Variants in ROBO1 observed in about 807,000 individuals in gnomAD.
ROBO1 encodes the protein roundabout homolog 1.
ROBO1 carries 149 observed loss-of-function variants against 195.9 expected under a neutral mutation model. That is an observed-to-expected ratio of 0.76 (90% CI 0.67 to 0.87). The LOEUF (loss-of-function observed/expected upper bound fraction) is 0.87, where lower values mean the gene tolerates loss of function less well. Ranked by LOEUF, ROBO1 falls within the 40% of genes least tolerant of loss-of-function variation. ROBO1 has a pLI of 0.00. For synonymous variants in ROBO1, 816 were observed against 733.2 expected (o/e 1.11, Z -1.82); for missense variants, 1,933 against 2,068.3 (o/e 0.93, Z 1.27).
At chr3:78,973,471 TA>T (rs1405106318) in intron 3 of ROBO1, among the ~76,000 whole-genome samples, 1 of 145,970 alleles carries the variant, frequency 6.9e-6, no homozygotes, top group Non-Finnish European at 1.5e-5. Flanking sequence ...TATAAGAAGC[TA>T]TATATATATT....
At chr3:78,781,701 A>G (rs1330971475) in intron 4 of ROBO1, among the ~76,000 whole-genome samples, 1 of 141,180 alleles carries the variant, frequency 7.1e-6, no homozygotes, top group East Asian at 2.1e-4. Flanking sequence ...GATTCATACT[A>G]TCTAGAGTGA....
intron 3 of ROBO1, among the ~76,000 whole-genome samples, chr3:79,067,509 A>T (rs1306603683): frequency 6.6e-6 from 1 of 151,988 alleles, no homozygotes; most frequent in East Asian, 1.9e-4. Context: ...ATTACAAACG[A>T]TGTGACTTAG....
chr3:78,821,782 A>T (rs2030997935), intron 4 of ROBO1, among the ~76,000 whole-genome samples: 1 of 152,114 alleles, frequency 6.6e-6, no homozygotes, highest in Admixed American at 6.5e-5. Context: ...ATTCCTTTCA[A>T]CAAACTTTTA....
At chr3:79,425,496 T>C (rs150240880) in intron 2 of ROBO1, among the ~76,000 whole-genome samples, 206 of 152,240 alleles carry the variant, frequency 1.4e-3, no homozygotes, top group Middle Eastern at 0.01. Flanking sequence ...CACAACAGTA[T>C]AAGCCAGAAA....
At chr3:79,059,168 T>C (rs769976131) in intron 3 of ROBO1, among the ~76,000 whole-genome samples, 4 of 152,220 alleles carry the variant, frequency 2.6e-5, no homozygotes, top group Non-Finnish European at 5.9e-5. Flanking sequence ...ATGAGACTGA[T>C]CATTCATGGG....
At chr3:79,370,448 T>A (rs1209511732) in intron 2 of ROBO1, among the ~76,000 whole-genome samples, 1 of 152,030 alleles carries the variant, frequency 6.6e-6, no homozygotes, top group Admixed American at 6.6e-5. Context: ...ACCCTATGCA[T>A]GGGTAAGACA....
rs183196243 is a variant in ROBO1, at chr3:79,647,243, A to C, written c.-50-57282T>G. 3.3e-5 allele frequency among the ~76,000 whole-genome samples: 5 copies of C among 152,256 alleles called. No homozygotes were observed. The East Asian group carries it at 9.7e-4, about 29-fold the overall frequency. ...AAATTTTAAAAATTAAAGCAATAAT[A>C]CAGAACTTCAGTTTTGGCAATATGG... On this transcript the variant is annotated intron_variant, in intron 1 of 30. Transcript: ENST00000464233.
intron 10 of ROBO1, among the ~76,000 whole-genome samples, chr3:78,672,172 A>G (rs1327040345): frequency 6.6e-6 from 1 of 152,314 alleles, no homozygotes; most frequent in East Asian, 1.9e-4. Context: ...GGAACAGATA[A>G]GGGAGTGCTT....
intron 2 of ROBO1, among the ~76,000 whole-genome samples, chr3:79,262,235 C>A (rs2082952328): frequency 6.6e-6 from 1 of 152,080 alleles, no homozygotes; most frequent in Admixed American, 6.6e-5. Flanking sequence ...CTTAAACACT[C>A]ACTCAAGTCA....
At chr3:79,147,097 T>C (rs964640647) in intron 2 of ROBO1, among the ~76,000 whole-genome samples, 1 of 151,994 alleles carries the variant, frequency 6.6e-6, no homozygotes, top group African/African-American at 2.4e-5. Flanking sequence ...TGAATTTTCT[T>C]TTCAAATAGG....
rs552559737 is a variant in ROBO1 at position 78,888,932 on chromosome 3, T to A, written c.499+49669A>T. 3.9e-5 allele frequency among the ~76,000 whole-genome samples: 6 copies of A among 152,336 alleles called. No homozygotes were observed. The South Asian group carries it at 1.2e-3, about 32-fold the overall frequency. On this transcript the variant is annotated intron_variant, in intron 4 of 30. Coordinates refer to ENST00000464233, the MANE Select transcript of ROBO1 (RefSeq NM_002941.4). Reference sequence around the variant, plus strand: ...TTTGGTTGGATGTTTTTGTATGTCATACTGAATATAAACAGAATGTAAACA... The same window carrying A: ...TTTGGTTGGATGTTTTTGTATGTCAAACTGAATATAAACAGAATGTAAACA...
intron 2 of ROBO1, among the ~76,000 whole-genome samples, chr3:79,448,600 A>G (rs533214383): frequency 6.6e-6 from 1 of 152,246 alleles, no homozygotes; most frequent in East Asian, 1.9e-4. Context: ...CCACATTTGT[A>G]TTTCTGGAGA....
chr3:78,711,485 C>G (rs1284713813), intron 8 of ROBO1, among the ~76,000 whole-genome samples: 3 of 141,818 alleles, frequency 2.1e-5, no homozygotes, highest in Non-Finnish European at 4.6e-5. Flanking sequence ...TTCTCTCTCT[C>G]TCTTTCTTTC....
intron 2 of ROBO1, among the ~76,000 whole-genome samples, chr3:79,381,322 A>T (rs1479889449): frequency 7.2e-6 from 1 of 138,776 alleles, no homozygotes; most frequent in African/African-American, 2.7e-5. Context: ...ATGCCATTGC[A>T]CTCCAGCCTG....
chr3:79,429,868 C>T (rs531385527), intron 2 of ROBO1, among the ~76,000 whole-genome samples: 11 of 151,982 alleles, frequency 7.2e-5, no homozygotes, highest in Admixed American at 2.0e-4. Flanking sequence ...TTAATTGGTT[C>T]TTATTTTATT....
At chr3:78,767,059 T>C (rs1204377194) in intron 4 of ROBO1, among the ~76,000 whole-genome samples, 2 of 152,150 alleles carry the variant, frequency 1.3e-5, no homozygotes, top group Non-Finnish European at 2.9e-5. Context: ...TGTTCATCAA[T>C]GATATAGGTC....
intron 2 of ROBO1, among the ~76,000 whole-genome samples, chr3:79,359,516 A>G (rs1315655817): frequency 6.6e-6 from 1 of 152,016 alleles, no homozygotes; most frequent in Non-Finnish European, 1.5e-5. Flanking sequence ...TTTCTTGTCA[A>G]CTGAATTGGT....
chr3:79,295,904 G>C (rs1276979043), intron 2 of ROBO1, among the ~76,000 whole-genome samples: 5 of 152,020 alleles, frequency 3.3e-5, no homozygotes, highest in African/African-American at 1.2e-4. Flanking sequence ...TGAGAATTAT[G>C]GATTTGGTGG....
intron 3 of ROBO1, among the ~76,000 whole-genome samples, chr3:78,980,574 C>T (rs911722965): frequency 6.6e-6 from 1 of 152,174 alleles, no homozygotes; most frequent in Admixed American, 6.6e-5. Flanking sequence ...TGTAAAATTG[C>T]TGTTTCTCTG....
Sources: allele counts gnomAD v4.1 joint callset (sites outside exome capture counted in the v4.1 genomes callset), GRCh38; gene constraint gnomAD v4.1.1; transcripts MANE v1.5; gene names NCBI Gene and HGNC (gene_info 2026-07-23, HGNC 2026-07-21).